PREX2: variants seen among roughly 807,000 people sequenced by gnomAD.
PREX2 encodes the protein phosphatidylinositol 3,4,5-trisphosphate-dependent Rac exchanger 2 protein.
Under a neutral mutation model 203.2 loss-of-function variants are expected in PREX2, and 107 were observed. That is an observed-to-expected ratio of 0.53 (90% CI 0.45 to 0.62). The LOEUF (loss-of-function observed/expected upper bound fraction) is 0.62, where lower values mean the gene tolerates loss of function less well. PREX2 is among the 20% of genes least tolerant of loss of function. The probability of loss-of-function intolerance (pLI) is 0.00; values close to 1 mark genes in which losing one functional copy is unlikely to be tolerated. For missense variants in PREX2, 1,777 were observed against 1,955.9 expected (o/e 0.91, Z 1.72); for synonymous variants, 672 against 663.6 (o/e 1.01, Z -0.19).
chr8:68,082,219 C>T (rs923284106), intron 17 of PREX2: 2 of 152,142 alleles, frequency 1.3e-5, no homozygotes, highest in Non-Finnish European at 2.9e-5. Flanking sequence ...CCTTGGTGCC[C>T]CTGGTTGGAA....
chr8:68,141,705 C>A (rs1023501016), intron 33 of PREX2, among the ~76,000 whole-genome samples: 6 of 152,018 alleles, frequency 3.9e-5, no homozygotes, highest in Admixed American at 3.3e-4. Context: ...GCTTCTTAGT[C>A]AAAGACTTAT....
At chr8:68,079,003 G>A (rs1452123321) in intron 15 of PREX2, among the ~76,000 whole-genome samples, 1 of 152,120 alleles carries the variant, frequency 6.6e-6, no homozygotes, top group Non-Finnish European at 1.5e-5. Flanking sequence ...TTGGGAAACT[G>A]CTTAGATCAT....
chr8:67,992,310 C>A (rs1806633886), intron 1 of PREX2, among the ~76,000 whole-genome samples: 1 of 152,170 alleles, frequency 6.6e-6, no homozygotes, highest in Non-Finnish European at 1.5e-5. Flanking sequence ...TAAGACACAA[C>A]CCCCTAATCA....
chr8:68,021,069 AG>A (rs1807553778), intron 3 of PREX2, among the ~76,000 whole-genome samples: 1 of 152,156 alleles, frequency 6.6e-6, no homozygotes, highest in African/African-American at 2.4e-5. Flanking sequence ...TTTGGTGATA[AG>A]GCACTTTGAG....
intron 35 of PREX2, among the ~76,000 whole-genome samples, chr8:68,185,466 A>G (rs562783239): frequency 4.6e-5 from 7 of 152,174 alleles, no homozygotes; most frequent in Admixed American, 6.6e-5. Flanking sequence ...CCCATGCGTC[A>G]AAGTCTAACT....
At chr8:68,024,696 CT>C (rs1156436306) in intron 4 of PREX2, among the ~76,000 whole-genome samples, 1 of 151,718 alleles carries the variant, frequency 6.6e-6, no homozygotes. Flanking sequence ...TCCTACATGT[CT>C]TTTTTGTTTG....
At position 68,232,993 on chromosome 8, in the gene PREX2, T is replaced by C. The variant is rs1813196891; in HGVS notation, c.*1615T>C. The C allele has an allele frequency of 6.6e-6, 1 of 152,196 alleles. No homozygotes were observed. Among genetic ancestry groups the C allele is most frequent in the Non-Finnish European group, 1.5e-5 (1 of 68,034 alleles). 9.4% of individuals were successfully genotyped at this position (152,196 alleles called of 1,614,324 possible). A position where few individuals can be genotyped will look rare whatever the true frequency, so the allele number is the denominator to read the frequency against. ...TTAAAACCTTTATCATTAACCATTA[T>C]GTATTGAATAACAAAAATACCATGT... is the stretch of plus-strand genomic sequence containing the variant. On this transcript the variant is annotated 3_prime_UTR_variant, in exon 40 of 40. Coordinates refer to ENST00000288368, the MANE Select transcript of PREX2 (RefSeq NM_024870.4).
At chr8:68,217,584 G>A in intron 37 of PREX2, 32 bp from the exon 38 acceptor site, 1 of 1,519,842 alleles carries the variant, frequency 6.6e-7, no homozygotes, top group Non-Finnish European at 9.1e-7. Flanking sequence ...CAGGAACCAT[G>A]GGGTCTGACT....
chr8:68,188,281 A>G (rs1255433553), intron 35 of PREX2, among the ~76,000 whole-genome samples: 1 of 152,208 alleles, frequency 6.6e-6, no homozygotes, highest in Non-Finnish European at 1.5e-5. Context: ...GGATGATGAG[A>G]GAGAGAGAGG....
Position 68,115,933 on chromosome 8 carries a change from G to A in PREX2, c.3326+1G>A. The A allele has an allele frequency of 6.3e-7, 1 of 1,586,460 alleles. No homozygotes were observed. Among genetic ancestry groups the A allele is most frequent in the South Asian group, 1.2e-5 (1 of 86,532 alleles). On this transcript the variant is annotated splice_donor_variant, in intron 26 of 39. Coordinates refer to ENST00000288368, the MANE Select transcript of PREX2 (RefSeq NM_024870.4). LOFTEE classifies it high-confidence loss of function. ...CCATCAGCAACAGAGACTCTTACAGGTAATTCACTAATTCCTCAAACTCAT... is the reference window on the plus strand; with the variant it reads ...CCATCAGCAACAGAGACTCTTACAGATAATTCACTAATTCCTCAAACTCAT...
intron 37 of PREX2, among the ~76,000 whole-genome samples, chr8:68,211,299 T>G (rs1378096836): frequency 6.6e-6 from 1 of 152,240 alleles, no homozygotes; most frequent in Non-Finnish European, 1.5e-5. Context: ...TTTAGCTTCA[T>G]GTAATTATTA....
At chr8:68,171,472 T>C (rs997702194) in intron 35 of PREX2, among the ~76,000 whole-genome samples, 7 of 149,048 alleles carry the variant, frequency 4.7e-5, no homozygotes, top group Non-Finnish European at 1.1e-4. Flanking sequence ...TTCTCACTAC[T>C]TCTGCAGGAA....
At chr8:68,012,912 T>G (rs1265583887) in intron 1 of PREX2, among the ~76,000 whole-genome samples, 1 of 152,216 alleles carries the variant, frequency 6.6e-6, no homozygotes, top group African/African-American at 2.4e-5. Context: ...ATGTCAAGAC[T>G]GATAAACCAT....
At chr8:68,175,287 G>C (rs1196907023) in intron 35 of PREX2, among the ~76,000 whole-genome samples, 2 of 152,106 alleles carry the variant, frequency 1.3e-5, no homozygotes, top group East Asian at 3.9e-4. Flanking sequence ...AGTGAAGTTG[G>C]GGGATTGAGG....
At position 68,120,941 on chromosome 8, in the gene PREX2, C is replaced by G; in HGVS notation, c.3616C>G (p.Pro1206Ala). 1 of 1,612,562 alleles carries G rather than the reference C, an allele frequency of 6.2e-7. No individual in the cohort carries two copies. The change falls in exon 30 of 40, where the codon CCA becomes GCA. Residue 1206 changes from proline to alanine, a missense_variant. Transcript: ENST00000288368. The part of the protein sequence containing the change: ...GLQEFQQEME[P>A]KLSCPKRLRL... The stretch of plus-strand genomic sequence containing the variant: ...TTTAGAATTTCAACAGGAAATGGAA[C>G]CAAAGCTGAGTTGTCCAAAAAGGCT...
intron 1 of PREX2, among the ~76,000 whole-genome samples, chr8:67,993,709 T>A (rs180768526): frequency 6.6e-6 from 1 of 152,130 alleles, no homozygotes; most frequent in Non-Finnish European, 1.5e-5. Flanking sequence ...CCCCTAGCCT[T>A]ACAATATTAC....
chr8:68,155,636 T>C (rs1193936665), intron 34 of PREX2, among the ~76,000 whole-genome samples: 1 of 152,198 alleles, frequency 6.6e-6, no homozygotes, highest in Non-Finnish European at 1.5e-5. Context: ...AATTTTGAAA[T>C]TGTTTATTAA....
At chr8:68,144,813 A>G (rs1585826173) in intron 33 of PREX2, among the ~76,000 whole-genome samples, 1 of 152,214 alleles carries the variant, frequency 6.6e-6, no homozygotes, top group African/African-American at 2.4e-5. Flanking sequence ...TATACTTTAT[A>G]ATTTTCATTA....
At chr8:68,110,639 C>T (rs1298605179) in intron 25 of PREX2, among the ~76,000 whole-genome samples, 9 of 152,176 alleles carry the variant, frequency 5.9e-5, no homozygotes. Context: ...TCCTGTACTT[C>T]ATGGATAATT....
Sources: gnomAD v4.1 joint callset for allele counts (sites outside exome capture counted in the v4.1 genomes callset) on GRCh38, gnomAD v4.1.1 for gene constraint, MANE v1.5 for transcripts, NCBI Gene and HGNC (gene_info 2026-07-23, HGNC 2026-07-21) for gene names.